VWA5B2: variants seen among roughly 807,000 people sequenced by gnomAD.
VWA5B2 encodes the protein von Willebrand factor A domain containing 5B2.
In VWA5B2, 93 loss-of-function variants were observed where a neutral mutation model predicts 118.5. That is an observed-to-expected ratio of 0.79 (90% CI 0.66 to 0.93). The LOEUF (loss-of-function observed/expected upper bound fraction) is 0.93. Among genes scored for constraint, VWA5B2 ranks in the 40% least tolerant of loss-of-function variants. The pLI is 0.00. For missense variants in VWA5B2, 1,546 were observed against 1,672.8 expected (o/e 0.92, Z 1.32); for synonymous variants, 708 against 716.3 (o/e 0.99, Z 0.19).
In VWA5B2 at chr3:184,236,510, C is replaced by A. The variant is rs1367859114; in HGVS notation, c.1380C>A (p.His460Gln). The change falls in exon 10 of 20, where the codon CAC (histidine) becomes CAA (glutamine). Residue 460 changes from histidine to glutamine, a missense_variant. Around this residue, in one of 3 missense-constraint regions of VWA5B2, gnomAD observed 775 missense variants for 882.3 expected, o/e 0.88. Coordinates refer to ENST00000691901, the MANE Select transcript of VWA5B2 (RefSeq NM_001390846.1). ...TAASPMAATT[H>Q]RTLELMRWHR... ...CCTCACCCATGGCCGCCACTACCCA[C>A]CGAACCCTGGAGCTCATGAGGTGGC... is the stretch of plus-strand genomic sequence containing the variant. The A allele has an allele frequency of 6.5e-7, 1 of 1,548,726 alleles. No homozygotes were observed. Among genetic ancestry groups the A allele is most frequent in the East Asian group, 2.4e-5 (1 of 40,912 alleles).
intron 7 of VWA5B2, 69 bp downstream of exon 7, chr3:184,234,824 G>C: frequency 7.1e-6 from 11 of 1,543,948 alleles, no homozygotes; most frequent in Non-Finnish European, 9.6e-6. Flanking sequence ...CAGGCAAGCA[G>C]GCTTACATTG....
Position 184,240,877 on chromosome 3 carries a change from G to C in VWA5B2, c.2827G>C (p.Asp943His). 1 of 1,551,664 alleles carries C rather than the reference G, an allele frequency of 6.4e-7. No individual in the cohort carries two copies. Among genetic ancestry groups the C allele is most frequent in the Non-Finnish European group, 8.7e-7 (1 of 1,146,982 alleles). The change falls in exon 17 of 20, where the codon GAT becomes CAT. Residue 943 changes from aspartate to histidine, a missense_variant. By Grantham distance (81) the Asp-to-His change is moderately conservative. This residue lies in a region of VWA5B2 where 763 missense variants were observed against 766.6 expected (regional missense o/e 1.00). Transcript: ENST00000691901. ...CTGCTTCACTTGCCCTGTAGCTGTGGATGCTACTACTAGGGAGGTCCTGCC... is the reference window on the plus strand; with the variant it reads ...CTGCTTCACTTGCCCTGTAGCTGTGCATGCTACTACTAGGGAGGTCCTGCC... Reference protein sequence around the residue: ...PSCFTCPVAVDATTREVLPGA... With the variant: ...PSCFTCPVAVHATTREVLPGA...
At position 184,241,980 on chromosome 3, in the gene VWA5B2, G is replaced by A. The variant is rs1284896757; in HGVS notation, c.3671G>A (p.Arg1224His). Reference sequence around the variant, plus strand: ...GCCCGAGGGCTCTTCCTGCTACTGCGCCACTGGGACCAAAACCTGCAGCTA... The same window carrying A: ...GCCCGAGGGCTCTTCCTGCTACTGCACCACTGGGACCAAAACCTGCAGCTA... ...AAARGLFLLL[R>H]HWDQNLQLHL... The change falls in exon 20 of 20, where the codon CGC (arginine) becomes CAC (histidine). Residue 1224 changes from arginine to histidine, a missense_variant. Arg to His is a conservative substitution (Grantham distance 29, BLOSUM62 0). Transcript: ENST00000691901. The surrounding 1 kb of genome is among the most constrained non-coding windows in gnomAD (Gnocchi z 5.1). The A allele has an allele frequency of 1.9e-6, 3 of 1,550,274 alleles. No homozygotes were observed. The East Asian group carries it at 7.3e-5, about 38-fold the overall frequency.
intron 8 of VWA5B2, among the ~76,000 whole-genome samples, chr3:184,235,925 C>T (rs1431604601): frequency 3.3e-5 from 5 of 152,194 alleles, no homozygotes; most frequent in Non-Finnish European, 7.3e-5. Context: ...GTCATGTATA[C>T]CTCCAGAGTC....
At chr3:184,240,065 CCAAAGG>C in intron 16 of VWA5B2, 29 bp downstream of exon 16, 2 of 1,479,058 alleles carry the variant, frequency 1.4e-6, no homozygotes, top group Non-Finnish European at 1.8e-6. Context: ...CAGTCAGGAC[CCAAAGG>C]CATGGGCTAA....
Position 184,242,277 on chromosome 3 carries a change from A to G in VWA5B2, c.*239A>G. 5 of 736,202 alleles carry G rather than the reference A, an allele frequency of 6.8e-6. No homozygotes were observed. Among genetic ancestry groups the G allele is most frequent in the Non-Finnish European group, 1.2e-5 (5 of 433,424 alleles). 45.6% of individuals were successfully genotyped at this position (736,202 alleles called of 1,614,324 possible). On this transcript the variant is annotated 3_prime_UTR_variant, in exon 20 of 20. Coordinates refer to ENST00000691901, the MANE Select transcript of VWA5B2 (RefSeq NM_001390846.1). The stretch of plus-strand genomic sequence containing the variant: ...CTCTGAGCTCCCTGCAACACAGTGG[A>G]AGGGTAGAGAGCCACAGTCCCCAAA...
At position 184,230,622 on chromosome 3, in the gene VWA5B2, C is replaced by T. The variant is rs1717283248; in HGVS notation, c.94C>T (p.Arg32Trp). 1.4e-6 allele frequency: 2 copies of T among 1,422,018 alleles called. No individual in the cohort carries two copies. The highest frequency in any genetic ancestry group is 2.9e-5 in the South Asian group (2 of 69,658). 88.1% of individuals were successfully genotyped at this position (1,422,018 alleles called of 1,614,324 possible). The change falls in exon 2 of 20, where the codon CGG (arginine) becomes TGG (tryptophan). Residue 32 changes from arginine (R) to tryptophan (W), a missense_variant. Arg to Trp is a moderately radical substitution (Grantham distance 101, BLOSUM62 -3). This residue lies in a region of VWA5B2 where 775 missense variants were observed against 882.3 expected (regional missense o/e 0.88). Transcript: ENST00000691901. ...CGCCAACGGCCCCTGCCTCAGCGTGCGGGCCCGGCTCACCTACCGCAACCC... is the reference window on the plus strand; with the variant it reads ...CGCCAACGGCCCCTGCCTCAGCGTGTGGGCCCGGCTCACCTACCGCAACCC... The part of the protein sequence containing the change: ...ACANGPCLSV[R>W]ARLTYRNPQP...
In VWA5B2 at chr3:184,230,910, C is replaced by G; in HGVS notation, c.303C>G (p.Cys101Trp). Residue 101 changes from cysteine to tryptophan, a missense_variant, in exon 3 of 20, where the codon TGC becomes TGG. Physicochemically the swap from Cys to Trp is radical, Grantham distance 215. Around this residue, in one of 3 missense-constraint regions of VWA5B2, gnomAD observed 775 missense variants for 882.3 expected, o/e 0.88. Transcript: ENST00000691901. ...PGLGTPTPRR[C>W]AQGHLVLDLA... Reference sequence around the variant, plus strand: ...TGGGGACCCCGACGCCCCGCCGCTGCGCGCAGGGTGAGTTCCGCGCGCCCG... The same window carrying G: ...TGGGGACCCCGACGCCCCGCCGCTGGGCGCAGGGTGAGTTCCGCGCGCCCG... 8.2e-7 allele frequency: 1 copy of G among 1,219,178 alleles called. No individual in the cohort carries two copies. The highest frequency in any genetic ancestry group is 1.0e-6 in the Non-Finnish European group (1 of 980,288). The allele number at this position is 1,219,178 out of a possible 1,614,324, so 75.5% of individuals were successfully genotyped here.
Position 184,240,795 on chromosome 3 carries a change from T to C in VWA5B2, c.2745T>C (p.His915=). 1.9e-6 allele frequency: 3 copies of C among 1,550,790 alleles called. No individual in the cohort carries two copies. The highest frequency in any genetic ancestry group is 1.7e-6 in the Non-Finnish European group (2 of 1,146,964). ...GGAETTADRG[H]ARRCWLRALQ... is the part of the protein sequence containing the mutation. ...GACTGCTCCTTGGTTCCACAGGCCA[T>C]GCCCGGAGGTGCTGGCTTCGAGCCC... Residue 915 remains histidine, a synonymous_variant, in exon 17 of 20, where the codon CAT becomes CAC. Coordinates refer to ENST00000691901, the MANE Select transcript of VWA5B2 (RefSeq NM_001390846.1).
chr3:184,241,565 C>A lies in VWA5B2; in HGVS notation c.3256C>A (p.Arg1086Ser). ...FCAAVRISQE[R>S]LCRASPFAVH... ...CGCCGCTGTGCGCATCTCGCAGGAG[C>A]GCCTCTGCCGTGCCTCGCCCTTTGC... The change falls in exon 20 of 20, where the codon CGC becomes AGC. Residue 1086 changes from arginine to serine, a missense_variant. By Grantham distance (110) the Arg-to-Ser change is moderately radical (BLOSUM62 -1). This residue lies in a region of VWA5B2 where 763 missense variants were observed against 766.6 expected (regional missense o/e 1.00). Transcript: ENST00000691901. The surrounding 1 kb of genome is among the most constrained non-coding windows in gnomAD (Gnocchi z 5.1). 6.5e-7 allele frequency: 1 copy of A among 1,548,716 alleles called. No homozygotes were observed. Among genetic ancestry groups the A allele is most frequent in the Non-Finnish European group, 8.7e-7 (1 of 1,146,750 alleles).
chr3:184,234,899 G>T (rs991372762), intron 7 of VWA5B2, 144 bp downstream of exon 7: 7 of 1,284,872 alleles, frequency 5.4e-6, no homozygotes, highest in Non-Finnish European at 7.4e-6. Context: ...AACCATCACA[G>T]AGGACAGATG....
At position 184,239,771 on chromosome 3, in the gene VWA5B2, G is replaced by A. The variant is rs1718371463; in HGVS notation, c.2475G>A (p.Gly825=). 2 of 1,533,654 alleles carry A rather than the reference G, an allele frequency of 1.3e-6. No individual in the cohort carries two copies. The highest frequency in any genetic ancestry group is 2.4e-5 in the South Asian group (2 of 82,326). The change falls in exon 16 of 20, where the codon GGG becomes GGA. Residue 825 remains glycine (G), a synonymous_variant. Coordinates refer to ENST00000691901, the MANE Select transcript of VWA5B2 (RefSeq NM_001390846.1). This position sits in a 1 kb window ranked among gnomAD's most constrained non-coding sequence, Gnocchi z 5.1. The stretch of plus-strand genomic sequence containing the variant: ...TATTCACGGCTGTGCCTCCTAGTGG[G>A]GAGTTGGCCCCTCCAGCAGTGCCTC... ...PFLFTAVPPS[G]ELAPPAVPPQ... is the part of the protein sequence containing the mutation.
In VWA5B2 at chr3:184,241,741, G is replaced by C. The variant is rs563411656; in HGVS notation, c.3432G>C (p.Arg1144=). The C allele has an allele frequency of 1.4e-4, 209 of 1,487,634 alleles. No individual in the cohort carries two copies. The East Asian group carries it at 4.3e-3, about 31-fold the overall frequency. 92.2% of individuals were successfully genotyped at this position (1,487,634 alleles called of 1,614,324 possible). A position where few individuals can be genotyped will look rare whatever the true frequency, so the allele number is the denominator to read the frequency against. ...SEGPGQVDSG[R]GSDTEASEGA... ...GGCCAGGCCAGGTGGACAGTGGGCG[G>C]GGCTCAGACACCGAGGCCTCCGAGG... The change falls in exon 20 of 20, where the codon CGG becomes CGC. Residue 1144 remains arginine, a synonymous_variant. Transcript: ENST00000691901. The surrounding 1 kb of genome is among the most constrained non-coding windows in gnomAD (Gnocchi z 5.1).
intron 8 of VWA5B2, 25 bp from the exon 9 acceptor site, chr3:184,236,127 C>G (rs542160653): frequency 6.5e-7 from 1 of 1,545,070 alleles, no homozygotes; most frequent in South Asian, 1.2e-5. Context: ...GCCGGCCTCA[C>G]GCCGCCCTCC....
In VWA5B2 at chr3:184,238,366, T is replaced by C. The variant is rs1718218217; in HGVS notation, c.1783T>C (p.Ser595Pro). The C allele has an allele frequency of 1.3e-6, 2 of 1,550,292 alleles. No individual in the cohort carries two copies. The highest frequency in any genetic ancestry group is 1.4e-5 in the African/African-American group (1 of 73,018). ...SVFPSPEEAP[S>P]AASPGTEPTG... ...GTTTCCATCCCCAGAAGAGGCCCCGTCTGCTGCCAGCCCTGGCACTGAGCC... is the reference window on the plus strand; with the variant it reads ...GTTTCCATCCCCAGAAGAGGCCCCGCCTGCTGCCAGCCCTGGCACTGAGCC... The change falls in exon 13 of 20, where the codon TCT becomes CCT. Residue 595 changes from serine (S) to proline (P), a missense_variant. Around this residue, in one of 3 missense-constraint regions of VWA5B2, gnomAD observed 775 missense variants for 882.3 expected, o/e 0.88. Coordinates refer to ENST00000691901, the MANE Select transcript of VWA5B2 (RefSeq NM_001390846.1). This position sits in a 1 kb window ranked among gnomAD's most constrained non-coding sequence, Gnocchi z 5.0.
chr3:184,241,441 G>T lies in VWA5B2; in HGVS notation c.3180+37G>T. On this transcript the variant is annotated intron_variant, in intron 19 of 19. Coordinates refer to ENST00000691901, the MANE Select transcript of VWA5B2 (RefSeq NM_001390846.1). The surrounding 1 kb of genome is among the most constrained non-coding windows in gnomAD (Gnocchi z 5.1). The stretch of plus-strand genomic sequence containing the variant: ...GGAGGTGGAGGGTGGTGCCGCCGGG[G>T]CCGGGCGCTGTTTCAGCTCGCTTCT... 1 of 1,566,608 alleles carries T rather than the reference G, an allele frequency of 6.4e-7. No homozygotes were observed. The highest frequency in any genetic ancestry group is 2.4e-5 in the East Asian group (1 of 42,332).
Position 184,230,788 on chromosome 3 carries a change from G to C in VWA5B2, c.181G>C (p.Gly61Arg). 2 of 1,242,582 alleles carry C rather than the reference G, an allele frequency of 1.6e-6. No homozygotes were observed. Among genetic ancestry groups the C allele is most frequent in the Non-Finnish European group, 2.0e-6 (2 of 993,878 alleles). 77.0% of individuals were successfully genotyped at this position (1,242,582 alleles called of 1,614,324 possible). A position where few individuals can be genotyped will look rare whatever the true frequency, so the allele number is the denominator to read the frequency against. ...GCTGGCCGAGGCCGAGGTGGTGTCC[G>C]GCTTCGAGGCCGAGGCCGCCGGACG... ...YPLAEAEVVSGFEAEAAGRRV... is the reference protein window; with the variant it reads ...YPLAEAEVVSRFEAEAAGRRV... The change falls in exon 3 of 20, where the codon GGC (glycine) becomes CGC (arginine). Residue 61 changes from glycine to arginine, a missense_variant. Coordinates refer to ENST00000691901, the MANE Select transcript of VWA5B2 (RefSeq NM_001390846.1).
chr3:184,241,199 G>A lies in VWA5B2; in HGVS notation c.2975G>A (p.Gly992Asp). Residue 992 changes from glycine (G) to aspartate (D), a missense_variant, in exon 19 of 20, where the codon GGC becomes GAC. By Grantham distance (94) the Gly-to-Asp change is moderately conservative. This residue lies in a region of VWA5B2 where 763 missense variants were observed against 766.6 expected (regional missense o/e 1.00). Transcript: ENST00000691901. The surrounding 1 kb of genome is among the most constrained non-coding windows in gnomAD (Gnocchi z 5.1). ...TVVYSKGLQR[G>D]SPAGAWDSDQ... The stretch of plus-strand genomic sequence containing the variant: ...ATCCCCACTGCAGGACTTCAGAGAG[G>A]CTCTCCAGCAGGCGCCTGGGACTCG... 1 of 1,550,564 alleles carries A rather than the reference G, an allele frequency of 6.4e-7. No individual in the cohort carries two copies. Among genetic ancestry groups the A allele is most frequent in the Middle Eastern group, 1.7e-4 (1 of 5,984 alleles).
At chr3:184,240,693 T>C (rs1413983369) in intron 16 of VWA5B2, 98 bp from the exon 17 acceptor site, 1 of 1,469,704 alleles carries the variant, frequency 6.8e-7, no homozygotes, top group Non-Finnish European at 9.1e-7. Context: ...TTAAAGTCGA[T>C]AGAGGGAGAA....
Sources: allele counts gnomAD v4.1 joint callset (sites outside exome capture counted in the v4.1 genomes callset), GRCh38; gene constraint gnomAD v4.1.1; regional missense constraint gnomAD v4.1.1; non-coding constraint Gnocchi (gnomAD v3.1); transcripts MANE v1.5; gene names NCBI Gene and HGNC (gene_info 2026-07-23, HGNC 2026-07-21).